SMARCA4: variants seen among roughly 807,000 people sequenced by gnomAD.
SMARCA4 encodes the protein SWI/SNF related BAF chromatin remodeling complex subunit ATPase 4.
SMARCA4 carries 31 observed loss-of-function variants against 193.9 expected under a neutral mutation model. The observed-to-expected ratio is 0.16, with a 90% CI of 0.12 to 0.22. The LOEUF (loss-of-function observed/expected upper bound fraction) is 0.22, where lower values mean the gene tolerates loss of function less well. Ranked by LOEUF, SMARCA4 falls within the 10% of genes least tolerant of loss-of-function variation. The probability of loss-of-function intolerance (pLI) is 1.00; values close to 1 mark genes in which losing one functional copy is unlikely to be tolerated. For synonymous variants in SMARCA4, 942 were observed against 933.1 expected (o/e 1.01, Z -0.17); for missense variants, 1,148 against 2,296.0 (o/e 0.50, Z 10.22).
At chr19:10,979,167 CGT>C (rs1461487191) in intron 1 of SMARCA4, among the ~76,000 whole-genome samples, 1 of 151,708 alleles carries the variant, frequency 6.6e-6, no homozygotes, top group Non-Finnish European at 1.5e-5. Context: ...GAGGTGGGAC[CGT>C]GTGTGTAGAT....
At chr19:10,998,274 C>A (rs560902999) in intron 11 of SMARCA4, among the ~76,000 whole-genome samples, 76 of 152,298 alleles carry the variant, frequency 5.0e-4, no homozygotes, top group African/African-American at 1.8e-3. Flanking sequence ...CTCTGGCAGG[C>A]AGACCCAACA....
At chr19:11,059,713 G>C (rs1288445535) in intron 32 of SMARCA4, 40 bp from the exon 33 acceptor site, 1 of 1,551,122 alleles carries the variant, frequency 6.4e-7, no homozygotes, top group East Asian at 2.4e-5. Context: ...CAGCCCTCCA[G>C]TCGGGCCCAT....
Position 10,991,248 on chromosome 19 carries a change from C to G in SMARCA4, c.1344C>G (p.Arg448=), listed in dbSNP as rs140328531. 6.2e-7 allele frequency: 1 copy of G among 1,612,876 alleles called. No homozygotes were observed. The highest frequency in any genetic ancestry group is 8.5e-7 in the Non-Finnish European group (1 of 1,179,664). ...AYKRSKRQSL[R]EARITEKLEK... is the part of the protein sequence containing the mutation. ...AGCGCAGCAAGCGCCAGTCCCTGCG[C>G]GAGGCCCGCATCACTGAGAAGCTGG... Residue 448 remains arginine, a synonymous_variant, in exon 8 of 35, where the codon CGC becomes CGG. Transcript: ENST00000344626.
At position 10,994,356 on chromosome 19, in the gene SMARCA4, C is replaced by T. The variant is rs2086826889; in HGVS notation, c.1420-472C>T. Among the ~76,000 whole-genome samples, 6 of 137,124 alleles carry T rather than the reference C, an allele frequency of 4.4e-5. No homozygotes were observed. The South Asian group carries it at 1.0e-3, about 23-fold the overall frequency. 90.0% of individuals were successfully genotyped at this position (137,124 alleles called of 152,430 possible). On this transcript the variant is annotated intron_variant, in intron 8 of 34. Transcript: ENST00000344626. The stretch of plus-strand genomic sequence containing the variant: ...TTTTTTTTTTTGAGACAGCGTCTCA[C>T]TCTGTTGCCCAGGCTGGAGCACAGT...
intron 30 of SMARCA4, among the ~76,000 whole-genome samples, chr19:11,048,010 A>T (rs550173139): frequency 7.9e-5 from 12 of 152,214 alleles, no homozygotes; most frequent in Admixed American, 3.3e-4. Context: ...ATTCTGTATG[A>T]CACATCTGTC....
rs2145808776 is a variant in SMARCA4, at chr19:10,987,568, T to C, written c.860-98T>C. 1.4e-6 allele frequency: 2 copies of C among 1,412,396 alleles called. No homozygotes were observed. Among genetic ancestry groups the C allele is most frequent in the Non-Finnish European group, 2.0e-6 (2 of 1,001,938 alleles). 87.5% of individuals were successfully genotyped at this position (1,412,396 alleles called of 1,614,324 possible). ...AGGTGGGAGATGGGCGGGGTCTGCC[T>C]GTCCCCAGTGCCTCAAGCAGCTCAG... On this transcript the variant is annotated intron_variant, in intron 5 of 34. Transcript: ENST00000344626. The surrounding 1 kb of genome is among the most constrained non-coding windows in gnomAD (Gnocchi z 5.3).
chr19:11,006,555 A>T (rs2088221051), intron 13 of SMARCA4, among the ~76,000 whole-genome samples: 1 of 152,164 alleles, frequency 6.6e-6, no homozygotes, highest in Admixed American at 6.5e-5. Context: ...GTTCGAGACC[A>T]GCCTGGCCAA....
intron 11 of SMARCA4, among the ~76,000 whole-genome samples, chr19:11,002,816 A>AGAAG (rs1431624916): frequency 1.3e-5 from 2 of 151,782 alleles, no homozygotes; most frequent in Non-Finnish European, 2.9e-5. Context: ...AAAAAAAAAA[A>AGAAG]AAAAAGAAGA....
At chr19:11,009,169 G>A (rs1338824517) in intron 14 of SMARCA4, among the ~76,000 whole-genome samples, 2 of 151,302 alleles carry the variant, frequency 1.3e-5, no homozygotes, top group East Asian at 2.0e-4. Context: ...CAACAGGCGC[G>A]GGCCACCACG....
At chr19:11,015,929 T>C (rs1156956210) in intron 16 of SMARCA4, 4 of 152,026 alleles carry the variant, frequency 2.6e-5, no homozygotes, top group African/African-American at 9.7e-5. Flanking sequence ...GAGAATCACT[T>C]GAACCTGGGA....
chr19:10,968,855 C>G (rs1467876773), intron 1 of SMARCA4, among the ~76,000 whole-genome samples: 1 of 152,124 alleles, frequency 6.6e-6, no homozygotes, highest in Non-Finnish European at 1.5e-5. Flanking sequence ...CTGAAACTGC[C>G]CCTGTGATGA....
At chr19:10,971,773 A>C (rs1457663394) in intron 1 of SMARCA4, among the ~76,000 whole-genome samples, 8 of 119,668 alleles carry the variant, frequency 6.7e-5, no homozygotes, top group African/African-American at 9.5e-5. Context: ...CACCCTGAAT[A>C]CTTTTTTTTT....
chr19:11,029,731 T>C (rs566612351), intron 24 of SMARCA4, among the ~76,000 whole-genome samples: 1 of 152,154 alleles, frequency 6.6e-6, no homozygotes, highest in Non-Finnish European at 1.5e-5. Flanking sequence ...TGGAGTGCAG[T>C]GGCATGATCT....
At chr19:10,982,949 C>T (rs1239958246) in intron 1 of SMARCA4, among the ~76,000 whole-genome samples, 2 of 152,184 alleles carry the variant, frequency 1.3e-5, no homozygotes, top group East Asian at 3.8e-4. Context: ...AGATTTGCGA[C>T]ATGCTTAACC....
At position 11,027,995 on chromosome 19, in the gene SMARCA4, G is replaced by A. The variant is rs372101387; in HGVS notation, c.3382+45G>A. ...GCGTTTCTTACAGGGTTTTGTTGTTGTGGCTGCCACAGAAGCTCCTCACTG... is the reference window on the plus strand; with the variant it reads ...GCGTTTCTTACAGGGTTTTGTTGTTATGGCTGCCACAGAAGCTCCTCACTG... On this transcript the variant is annotated intron_variant, in intron 24 of 34. Coordinates refer to ENST00000344626, the MANE Select transcript of SMARCA4 (RefSeq NM_003072.5). 10 of 1,599,556 alleles carry A rather than the reference G, an allele frequency of 6.3e-6. No individual in the cohort carries two copies. In the East Asian group the frequency reaches 1.6e-4, roughly 25 times the overall value.
chr19:11,046,624 C>T (rs1208359711), intron 30 of SMARCA4, among the ~76,000 whole-genome samples: 1 of 152,178 alleles, frequency 6.6e-6, no homozygotes, highest in African/African-American at 2.4e-5. Flanking sequence ...AGGAAAACAT[C>T]ACATAGGGCA....
At chr19:10,971,344 G>C (rs1051817619) in intron 1 of SMARCA4, among the ~76,000 whole-genome samples, 1 of 152,184 alleles carries the variant, frequency 6.6e-6, no homozygotes, top group Non-Finnish European at 1.5e-5. Flanking sequence ...ACCACATGGT[G>C]CCCATGTCAC....
intron 30 of SMARCA4, among the ~76,000 whole-genome samples, chr19:11,046,483 G>A (rs559543079): frequency 3.9e-5 from 6 of 152,272 alleles, no homozygotes; most frequent in Admixed American, 2.0e-4. Context: ...CCTGGGGGTC[G>A]CCCATTGGAC....
At chr19:11,035,287 G>A (rs867494856) in intron 29 of SMARCA4, among the ~76,000 whole-genome samples, 155 bp downstream of exon 29, 3 of 152,244 alleles carry the variant, frequency 2.0e-5, no homozygotes, top group Non-Finnish European at 2.9e-5. Flanking sequence ...GCCTTCCGAT[G>A]TGGGCCAGGG....
Sources: gnomAD v4.1 joint callset for allele counts (sites outside exome capture counted in the v4.1 genomes callset) on GRCh38, gnomAD v4.1.1 for gene constraint, Gnocchi (gnomAD v3.1) non-coding constraint, MANE v1.5 for transcripts, NCBI Gene and HGNC (gene_info 2026-07-23, HGNC 2026-07-21) for gene names.